Variants in MMP16 observed in about 807,000 individuals in gnomAD.
The protein encoded by MMP16 is matrix metallopeptidase 16.
A neutral mutation model predicts 67.8 loss-of-function variants in MMP16; 12 were observed. That is an observed-to-expected ratio of 0.18 (90% confidence interval 0.11 to 0.29). MMP16 has a LOEUF of 0.29. Among genes scored for constraint, MMP16 ranks in the 10% least tolerant of loss-of-function variants. The pLI, the probability that MMP16 is intolerant of heterozygous loss-of-function variation, is 1.00. For missense variants in MMP16, 475 were observed against 765.7 expected (o/e 0.62, Z 4.48); for synonymous variants, 249 against 255.9 (o/e 0.97, Z 0.26).
intron 6 of MMP16, among the ~76,000 whole-genome samples, chr8:88,090,078 A>T (rs1808908262): frequency 6.6e-6 from 1 of 152,002 alleles, no homozygotes; most frequent in Non-Finnish European, 1.5e-5. Context: ...AAGCTTATTT[A>T]GTTGAGCAAA....
rs1811559691 is a variant in MMP16 at position 88,327,453 on chromosome 8, T to A, written c.-247A>T. The A allele has an allele frequency of 2.1e-6, 1 of 479,562 alleles. No homozygotes were observed. Among genetic ancestry groups the A allele is most frequent in the Non-Finnish European group, 3.8e-6 (1 of 261,044 alleles). The allele number at this position is 479,562 out of a possible 1,614,324, so 29.7% of individuals were successfully genotyped here. Reference sequence around the variant, plus strand: ...CCTCCGGGGTCAGTCACCGGGAACGTGGCGCCTAAGTTCACCGGCGGTTCC... The same window carrying A: ...CCTCCGGGGTCAGTCACCGGGAACGAGGCGCCTAAGTTCACCGGCGGTTCC... On this transcript the variant is annotated 5_prime_UTR_variant, in exon 1 of 10. Transcript: ENST00000286614.
Position 88,327,371 on chromosome 8 carries a change from G to T in MMP16, c.-165C>A. ...GGGAGGAGACAGGGGCCCCGCGCTC[G>T]GCAGCCCCCGAGAGGCAGCGGCGAA... On this transcript the variant is annotated 5_prime_UTR_variant, in exon 1 of 10. Transcript: ENST00000286614. 2 of 765,254 alleles carry T rather than the reference G, an allele frequency of 2.6e-6. No homozygotes were observed. The highest frequency in any genetic ancestry group is 3.4e-5 in the South Asian group (2 of 57,990). 47.4% of individuals were successfully genotyped at this position (765,254 alleles called of 1,614,324 possible).
chr8:88,053,685 C>T (rs1358712349), intron 8 of MMP16, among the ~76,000 whole-genome samples: 1 of 151,934 alleles, frequency 6.6e-6, no homozygotes, highest in Non-Finnish European at 1.5e-5. Flanking sequence ...ATGTCTTTTC[C>T]GTCTAAGTTT....
At chr8:88,047,841 G>T (rs919711806) in intron 8 of MMP16, among the ~76,000 whole-genome samples, 15 of 152,214 alleles carry the variant, frequency 9.9e-5, no homozygotes, top group Non-Finnish European at 1.8e-4. Flanking sequence ...GAGTAAAAGA[G>T]TTTGAAGGAG....
chr8:88,302,925 C>T (rs908907945), intron 1 of MMP16, among the ~76,000 whole-genome samples: 3 of 152,168 alleles, frequency 2.0e-5, no homozygotes, highest in African/African-American at 7.2e-5. Flanking sequence ...CAAAGGAACT[C>T]CCACCCCCAG....
At chr8:88,314,329 T>A (rs1811345111) in intron 1 of MMP16, among the ~76,000 whole-genome samples, 1 of 152,250 alleles carries the variant, frequency 6.6e-6, no homozygotes, top group South Asian at 2.1e-4. Flanking sequence ...AATTATAACA[T>A]CTGTGCTATT....
At chr8:88,262,135 C>G (rs1810397429) in intron 1 of MMP16, among the ~76,000 whole-genome samples, 1 of 152,118 alleles carries the variant, frequency 6.6e-6, no homozygotes, top group South Asian at 2.1e-4. Flanking sequence ...AGCCACAGCT[C>G]CATTCTCACC....
chr8:88,090,717 A>C (rs1808919409), intron 6 of MMP16, among the ~76,000 whole-genome samples: 1 of 151,912 alleles, frequency 6.6e-6, no homozygotes, highest in Admixed American at 6.6e-5. Flanking sequence ...TATCTTAAAG[A>C]GCTTTACAAA....
At chr8:88,299,924 C>T (rs1407613270) in intron 1 of MMP16, among the ~76,000 whole-genome samples, 2 of 152,154 alleles carry the variant, frequency 1.3e-5, no homozygotes, top group East Asian at 3.9e-4. Context: ...AAAGGTTTAA[C>T]ATTTACTTTT....
chr8:88,244,040 T>A (rs549392140), intron 1 of MMP16, among the ~76,000 whole-genome samples: 3 of 35,274 alleles, frequency 8.5e-5, no homozygotes. Flanking sequence ...TTTTTTTTTT[T>A]AATTCATCCA....
intron 7 of MMP16, among the ~76,000 whole-genome samples, chr8:88,074,317 G>C (rs1808608983): frequency 6.6e-6 from 1 of 152,182 alleles, no homozygotes; most frequent in South Asian, 2.1e-4. Flanking sequence ...CAAACCTTTA[G>C]TCAGTGCAGA....
At chr8:88,064,153 T>C (rs1350280158) in intron 7 of MMP16, among the ~76,000 whole-genome samples, 1 of 152,090 alleles carries the variant, frequency 6.6e-6, no homozygotes, top group Admixed American at 6.6e-5. Flanking sequence ...ATGAAAGAGT[T>C]CAGTAGTTAA....
intron 1 of MMP16, among the ~76,000 whole-genome samples, chr8:88,216,981 TTTA>T (rs1422013456): frequency 6.6e-6 from 1 of 152,088 alleles, no homozygotes; most frequent in Admixed American, 6.6e-5. Flanking sequence ...GGCTTGCTAT[TTTA>T]TTAAGTGGAT....
chr8:88,081,150 C>T (rs1808744582), intron 6 of MMP16, among the ~76,000 whole-genome samples: 1 of 152,062 alleles, frequency 6.6e-6, no homozygotes, highest in South Asian at 2.1e-4. Context: ...GCAACGAACA[C>T]TAAGCCTAAG....
rs552264880 is a variant in MMP16, at chr8:88,145,069, T to C, written c.709+22600A>G. On this transcript the variant is annotated intron_variant, in intron 4 of 9. Coordinates refer to ENST00000286614, the MANE Select transcript of MMP16 (RefSeq NM_005941.5). ...GTGTCTTCAAACACTATTCTATTTT[T>C]AATACCCCATAAGTCTCTAGAACAG... Among the ~76,000 whole-genome samples the C allele has an allele frequency of 4.6e-5, 7 of 152,148 alleles. No homozygotes were observed. In the East Asian group the frequency reaches 1.3e-3, roughly 29 times the overall value.
chr8:88,207,626 C>T (rs1586205313), intron 1 of MMP16, among the ~76,000 whole-genome samples: 1 of 150,490 alleles, frequency 6.6e-6, no homozygotes, highest in East Asian at 2.0e-4. Flanking sequence ...ACTTGTAGCA[C>T]AGATTGATGT....
intron 9 of MMP16, among the ~76,000 whole-genome samples, chr8:88,043,554 A>C (rs1236111058): frequency 1.3e-5 from 2 of 152,154 alleles, no homozygotes; most frequent in African/African-American, 4.8e-5. Context: ...TCCTAGGTTA[A>C]ACATCCAAGG....
At position 88,090,412 on chromosome 8, in the gene MMP16, A is replaced by C. The variant is rs77618859; in HGVS notation, c.1084-15669T>G. Among the ~76,000 whole-genome samples the C allele has an allele frequency of 2.7e-3, 413 of 152,074 alleles. 3 individuals carry two copies. Among genetic ancestry groups the C allele is most frequent in the African/African-American group, 9.6e-3 (399 of 41,552 alleles). ...TTTTATAATTATTCTTCCTGTGGAA[A>C]ATTAAAGAAAACTATTTTGTACTGA... On this transcript the variant is annotated intron_variant, in intron 6 of 9. Transcript: ENST00000286614.
chr8:88,158,920 G>C (rs1310355503), intron 4 of MMP16, among the ~76,000 whole-genome samples: 1 of 152,114 alleles, frequency 6.6e-6, no homozygotes. Context: ...TATTAAATAG[G>C]GAATCCTTTC....
Sources: allele counts gnomAD v4.1 joint callset (sites outside exome capture counted in the v4.1 genomes callset), GRCh38; gene constraint gnomAD v4.1.1; transcripts MANE v1.5; gene names NCBI Gene and HGNC (gene_info 2026-07-23, HGNC 2026-07-21).